The following CSMD1 variants were observed in gnomAD, a reference collection of about 807,000 sequenced individuals.
CSMD1 encodes CUB and sushi domain-containing protein 1.
In CSMD1, 213 loss-of-function variants were observed where a neutral mutation model predicts 417.5. That is an observed-to-expected ratio of 0.51 (90% CI 0.46 to 0.57). CSMD1 has a LOEUF of 0.57. CSMD1 is among the 20% of genes least tolerant of loss of function. CSMD1 has a pLI of 0.00. For synonymous variants in CSMD1, 2,862 were observed against 1,736.8 expected, an observed-to-expected ratio of 1.65 and a Z score of -16.11; for missense variants, 6,923 against 4,529.7, an observed-to-expected ratio of 1.53 and a Z score of -15.17.
chr8:4,506,508 G>A (rs952552191), intron 2 of CSMD1, among the ~76,000 whole-genome samples: 2 of 152,144 alleles, frequency 1.3e-5, no homozygotes, highest in East Asian at 1.9e-4. Flanking sequence ...ATGGCGGATG[G>A]CAGGAGGCGG....
At chr8:4,582,894 C>G (rs938698128) in intron 2 of CSMD1, among the ~76,000 whole-genome samples, 2 of 152,172 alleles carry the variant, frequency 1.3e-5, no homozygotes, top group African/African-American at 4.8e-5. Context: ...TCCGGGTGGG[C>G]GTGGGCTTGG....
intron 1 of CSMD1, among the ~76,000 whole-genome samples, chr8:4,966,543 T>A (rs1443133038): frequency 1.3e-5 from 2 of 152,172 alleles, no homozygotes; most frequent in South Asian, 2.1e-4. Context: ...TCACTGTCCA[T>A]CTGAGAGTGA....
At chr8:3,241,055 G>C (rs540243811) in intron 26 of CSMD1, among the ~76,000 whole-genome samples, 2 of 148,638 alleles carry the variant, frequency 1.3e-5, no homozygotes, top group South Asian at 2.2e-4. Context: ...TCTCATACTT[G>C]TGGGTTAAGG....
intron 5 of CSMD1, among the ~76,000 whole-genome samples, chr8:3,900,553 G>C (rs1252638986): frequency 6.6e-6 from 1 of 150,674 alleles, no homozygotes; most frequent in South Asian, 2.1e-4. Context: ...CTAGGTGACA[G>C]TGCAGATGGG....
chr8:3,166,648 G>A (rs1185563027), intron 37 of CSMD1, among the ~76,000 whole-genome samples: 3 of 152,292 alleles, frequency 2.0e-5, no homozygotes, highest in African/African-American at 7.2e-5. Flanking sequence ...ATATTGTCAA[G>A]CCAGGGGTAG....
chr8:3,541,864 C>G (rs1348278126), intron 10 of CSMD1, among the ~76,000 whole-genome samples: 1 of 151,870 alleles, frequency 6.6e-6, no homozygotes, highest in African/African-American at 2.4e-5. Context: ...GAGTTCGAGA[C>G]CAGCCTGGCC....
intron 12 of CSMD1, among the ~76,000 whole-genome samples, chr8:3,414,275 A>G (rs943463317): frequency 2.9e-4 from 43 of 147,686 alleles, no homozygotes; most frequent in Middle Eastern, 3.6e-3. Flanking sequence ...TTATTGAACT[A>G]GATATAAGAT....
chr8:3,297,410 G>T (rs1804048055), intron 25 of CSMD1, among the ~76,000 whole-genome samples: 1 of 152,110 alleles, frequency 6.6e-6, no homozygotes, highest in South Asian at 2.1e-4. Context: ...ATGATACTGG[G>T]TATCAAGATG....
intron 1 of CSMD1, among the ~76,000 whole-genome samples, chr8:4,916,259 G>T (rs1017313324): frequency 6.7e-6 from 1 of 149,128 alleles, no homozygotes; most frequent in Non-Finnish European, 1.5e-5. Flanking sequence ...ACACTACGAT[G>T]ACAAGAACAC....
intron 1 of CSMD1, among the ~76,000 whole-genome samples, chr8:4,808,429 T>A (rs1430973832): frequency 1.3e-5 from 2 of 152,174 alleles, no homozygotes; most frequent in African/African-American, 4.8e-5. Flanking sequence ...GAAACATGGA[T>A]CTAAAGAATT....
At chr8:3,106,434 T>A in intron 46 of CSMD1, 94 bp downstream of exon 46, 1 of 689,048 alleles carries the variant, frequency 1.5e-6, no homozygotes, top group Non-Finnish European at 2.4e-6. Context: ...AATAAATAAG[T>A]TCACATCTAT....
chr8:4,596,026 C>T (rs776680738), intron 2 of CSMD1, among the ~76,000 whole-genome samples: 1 of 152,178 alleles, frequency 6.6e-6, no homozygotes, highest in Non-Finnish European at 1.5e-5. Flanking sequence ...TGAACACTCC[C>T]TGTTTGCCAC....
At chr8:4,543,931 C>T (rs1437030725) in intron 2 of CSMD1, among the ~76,000 whole-genome samples, 1 of 152,078 alleles carries the variant, frequency 6.6e-6, no homozygotes, top group African/African-American at 2.4e-5. Context: ...TGTTTATCAT[C>T]TTTGGTGAGG....
rs75752092 is a variant in CSMD1 at position 4,183,818 on chromosome 8, A to G, written c.416-151719T>C. Among the ~76,000 whole-genome samples, 1,114 of 152,306 alleles carry G rather than the reference A, an allele frequency of 7.3e-3. 45 individuals are homozygous for G. The East Asian group carries it at 0.11, about 16-fold the overall frequency. ...TTGAGTATTTCTGTAAGTACTTATT[A>G]AATGTCTCCCCTCCTGGATTGCCCA... On this transcript the variant is annotated intron_variant, in intron 3 of 69. Transcript: ENST00000635120.
chr8:4,685,311 T>C (rs916039497), intron 1 of CSMD1, among the ~76,000 whole-genome samples: 16 of 152,194 alleles, frequency 1.1e-4, no homozygotes, highest in Non-Finnish European at 2.9e-5. Flanking sequence ...TGTTGGCTCA[T>C]GCCTGTAATC....
chr8:3,471,937 G>A (rs1375139671), intron 11 of CSMD1, among the ~76,000 whole-genome samples: 2 of 152,098 alleles, frequency 1.3e-5, no homozygotes, highest in East Asian at 1.9e-4. Flanking sequence ...ACGAGTCGAG[G>A]AGAGTGTTTT....
intron 7 of CSMD1, among the ~76,000 whole-genome samples, chr8:3,646,075 G>C (rs563316124): frequency 1.3e-5 from 2 of 151,100 alleles, no homozygotes; most frequent in East Asian, 1.9e-4. Flanking sequence ...TAAGTGAATT[G>C]TGGCAGAGTT....
intron 33 of CSMD1, among the ~76,000 whole-genome samples, chr8:3,198,578 T>C (rs1475876250): frequency 6.6e-6 from 1 of 152,202 alleles, no homozygotes; most frequent in Non-Finnish European, 1.5e-5. Context: ...ATCAGAGAGA[T>C]CTTTGTCTCC....
At chr8:3,586,344 C>G (rs1800601177) in intron 8 of CSMD1, 84 bp from the exon 9 acceptor site, 6 of 1,305,890 alleles carry the variant, frequency 4.6e-6, no homozygotes, top group Non-Finnish European at 6.2e-6. Flanking sequence ...AGCAAAATGG[C>G]TGCTACGATC....
Sources: allele counts gnomAD v4.1 joint callset (sites outside exome capture counted in the v4.1 genomes callset), GRCh38; gene constraint gnomAD v4.1.1; transcripts MANE v1.5; gene names NCBI Gene and HGNC (gene_info 2026-07-23, HGNC 2026-07-21).